The following MSRB3 variants were observed in gnomAD, a reference collection of about 807,000 sequenced individuals.
The protein encoded by MSRB3 is methionine sulfoxide reductase B3, also known as methionine-R-sulfoxide reductase B3.
In MSRB3, 13 loss-of-function variants were observed where a neutral mutation model predicts 21.0. The ratio of observed to expected loss-of-function variants is 0.62; its 90% CI spans 0.40 to 0.98. The LOEUF (loss-of-function observed/expected upper bound fraction) is 0.98. Ranked by LOEUF, MSRB3 falls within the 50% of genes least tolerant of loss-of-function variation. The probability of loss-of-function intolerance (pLI) is 0.00; values close to 1 mark genes in which losing one functional copy is unlikely to be tolerated. For missense variants in MSRB3, 199 were observed against 230.3 expected (o/e 0.86, Z 0.88); for synonymous variants, 87 against 88.6 (o/e 0.98, Z 0.10).
At chr12:65,418,831 G>T in intron 5 of MSRB3, 1 of 897,658 alleles carries the variant, frequency 1.1e-6, no homozygotes, top group Non-Finnish European at 1.8e-6. Context: ...GCTGTCCAAG[G>T]CATCACCAAG....
intron 5 of MSRB3, among the ~76,000 whole-genome samples, chr12:65,377,416 C>A (rs1032666247): frequency 6.6e-6 from 1 of 152,082 alleles, no homozygotes; most frequent in South Asian, 2.1e-4. Context: ...GGATTACAGG[C>A]GCCCTGCCCC....
intron 5 of MSRB3, among the ~76,000 whole-genome samples, chr12:65,448,805 A>T (rs2136693771): frequency 6.6e-6 from 1 of 152,362 alleles, no homozygotes; most frequent in East Asian, 1.9e-4. Context: ...TTTTAAAGAA[A>T]CAGAAAATCT....
At chr12:65,298,542 T>G (rs1017667718) in intron 1 of MSRB3, among the ~76,000 whole-genome samples, 4 of 152,208 alleles carry the variant, frequency 2.6e-5, no homozygotes, top group African/African-American at 7.2e-5. Context: ...GGACTTTTCC[T>G]CTCTCCTAAG....
intron 1 of MSRB3, among the ~76,000 whole-genome samples, chr12:65,282,855 T>A (rs951054791): frequency 6.6e-6 from 1 of 152,152 alleles, no homozygotes; most frequent in African/African-American, 2.4e-5. Flanking sequence ...CCCTAAAGTC[T>A]CTTCTAATTC....
At chr12:65,444,265 A>G (rs553748444) in intron 5 of MSRB3, among the ~76,000 whole-genome samples, 2 of 152,316 alleles carry the variant, frequency 1.3e-5, no homozygotes, top group East Asian at 3.9e-4. Flanking sequence ...GTCAAAAAGC[A>G]AAACAGATTA....
At chr12:65,291,901 A>G (rs11175720) in intron 1 of MSRB3, among the ~76,000 whole-genome samples, 40,409 of 152,070 alleles carry the variant, frequency 0.27, 6,530 homozygotes, top group Middle Eastern at 0.38. Flanking sequence ...TCTGATCTGC[A>G]TTTTAAAATA....
At chr12:65,399,687 AAAGGGAATGCTTCCAGT>A (rs1208090301) in intron 5 of MSRB3, among the ~76,000 whole-genome samples, 1 of 152,212 alleles carries the variant, frequency 6.6e-6, no homozygotes, top group Non-Finnish European at 1.5e-5. Context: ...GCTGGTTGTC[AAAGGGAATGCTTCCAGT>A]TTTTGCCCAT....
intron 5 of MSRB3, among the ~76,000 whole-genome samples, chr12:65,449,185 C>T (rs1381290854): frequency 1.4e-5 from 2 of 145,548 alleles, no homozygotes; most frequent in African/African-American, 5.1e-5. Context: ...GCCCCCACCA[C>T]GCCTGGCTAA....
chr12:65,461,106 T>A (rs1482050318), intron 6 of MSRB3, among the ~76,000 whole-genome samples: 1 of 152,162 alleles, frequency 6.6e-6, no homozygotes, highest in African/African-American at 2.4e-5. Flanking sequence ...TTTAGGTATA[T>A]GAAAACTTCA....
At chr12:65,357,442 A>G (rs1847402575) in intron 4 of MSRB3, among the ~76,000 whole-genome samples, 1 of 152,002 alleles carries the variant, frequency 6.6e-6, no homozygotes, top group South Asian at 2.1e-4. Context: ...GAGAGTTCAC[A>G]TATACCCTCT....
intron 5 of MSRB3, among the ~76,000 whole-genome samples, chr12:65,453,486 G>GTCTCATGAAGCACCAAACCC: frequency 6.6e-6 from 1 of 152,298 alleles, no homozygotes; most frequent in Admixed American, 6.5e-5. Flanking sequence ...GTCTAAGAAT[G>GTCTCATGAAGCACCAAACCC]TCTCATGAAG....
intron 4 of MSRB3, among the ~76,000 whole-genome samples, chr12:65,342,716 A>G (rs1049340903): frequency 2.8e-4 from 43 of 152,048 alleles, no homozygotes; most frequent in African/African-American, 9.2e-4. Flanking sequence ...AATAATTTCA[A>G]TGTCCAAAAT....
intron 5 of MSRB3, among the ~76,000 whole-genome samples, chr12:65,375,799 A>C (rs558644460): frequency 6.6e-6 from 1 of 151,632 alleles, no homozygotes; most frequent in Non-Finnish European, 1.5e-5. Context: ...TTACTTAGGA[A>C]GCTTTTTTTT....
chr12:65,330,593 C>T (rs1474241586), intron 4 of MSRB3, among the ~76,000 whole-genome samples: 1 of 152,116 alleles, frequency 6.6e-6, no homozygotes, highest in Non-Finnish European at 1.5e-5. Context: ...TTCCTCCCAT[C>T]TCCTCTATCA....
chr12:65,346,134 G>A (rs1876486933), intron 4 of MSRB3, among the ~76,000 whole-genome samples: 1 of 152,092 alleles, frequency 6.6e-6, no homozygotes, highest in Admixed American at 6.6e-5. Context: ...GGTATTTCTA[G>A]TTCTAGATCC....
At chr12:65,368,658 TG>T (rs1036028840) in intron 4 of MSRB3, among the ~76,000 whole-genome samples, 5 of 152,210 alleles carry the variant, frequency 3.3e-5, no homozygotes, top group Non-Finnish European at 7.3e-5. Flanking sequence ...ATTATGAATT[TG>T]GTTTTGTATT....
intron 1 of MSRB3, among the ~76,000 whole-genome samples, chr12:65,302,383 T>A (rs1454123868): frequency 1.3e-5 from 2 of 152,194 alleles, no homozygotes; most frequent in East Asian, 3.8e-4. Context: ...TCCTGTGAAA[T>A]TCTGTAATTC....
At chr12:65,296,425 G>C (rs1228886004) in intron 1 of MSRB3, among the ~76,000 whole-genome samples, 1 of 152,136 alleles carries the variant, frequency 6.6e-6, no homozygotes, top group Non-Finnish European at 1.5e-5. Flanking sequence ...TTTCAAAAAC[G>C]TTCTCTCATT....
intron 2 of MSRB3, among the ~76,000 whole-genome samples, chr12:65,309,345 C>T (rs896162797): frequency 2.0e-5 from 3 of 152,090 alleles, no homozygotes; most frequent in Admixed American, 1.3e-4. Context: ...CTTCTGTGAG[C>T]GTGATTATCA....
Sources: gnomAD v4.1 joint callset for allele counts (sites outside exome capture counted in the v4.1 genomes callset) on GRCh38, gnomAD v4.1.1 for gene constraint, MANE v1.5 for transcripts, NCBI Gene and HGNC (gene_info 2026-07-23, HGNC 2026-07-21) for gene names.